Variants in ABLIM2 observed in about 807,000 individuals in gnomAD.
ABLIM2 encodes actin-binding LIM protein 2.
Under a neutral mutation model 97.7 loss-of-function variants are expected in ABLIM2, and 53 were observed. That is an observed-to-expected ratio of 0.54 (90% CI 0.44 to 0.68). The LOEUF (loss-of-function observed/expected upper bound fraction) is 0.68, where lower values mean the gene tolerates loss of function less well. Ranked by LOEUF, ABLIM2 falls within the 30% of genes least tolerant of loss-of-function variation. The pLI is 0.00. For missense variants in ABLIM2, 835 were observed against 867.2 expected, an observed-to-expected ratio of 0.96 and a Z score of 0.47; for synonymous variants, 361 against 345.8, an observed-to-expected ratio of 1.04 and a Z score of -0.49.
intron 12 of ABLIM2, among the ~76,000 whole-genome samples, chr4:8,025,148 G>A (rs546495420): frequency 6.6e-6 from 1 of 152,252 alleles, no homozygotes; most frequent in Non-Finnish European, 1.5e-5. Flanking sequence ...GGCTGGTCTC[G>A]AACTCCTGAC....
chr4:8,001,726 C>T lies in ABLIM2; in HGVS notation c.1618+6333G>A, dbSNP rs1757319694. On this transcript the variant is annotated intron_variant, in intron 16 of 20. Transcript: ENST00000447017. This position sits in a 1 kb window ranked among gnomAD's most constrained non-coding sequence, Gnocchi z 4.2. ...GGATGCCAAGGTGGCCACGCCTGAG[C>T]CCCCAGCTCTCCCTGGGCTGTCCCT... Among the ~76,000 whole-genome samples the T allele has an allele frequency of 6.6e-6, 1 of 152,138 alleles. No individual in the cohort carries two copies. The highest frequency in any genetic ancestry group is 1.5e-5 in the Non-Finnish European group (1 of 68,010).
In ABLIM2 at chr4:7,967,140, G is replaced by A. The variant is rs762145425; in HGVS notation, c.1825-37C>T. 3.8e-6 allele frequency: 6 copies of A among 1,562,332 alleles called. No individual in the cohort carries two copies. The Admixed American group carries it at 1.0e-4, about 26-fold the overall frequency. ...AAGGCAAAACAGAAGGGACCAGTTA[G>A]CCACGCAGCAAGGGACACCATTGGG... is the stretch of plus-strand genomic sequence containing the variant. On this transcript the variant is annotated intron_variant, in intron 20 of 20. Coordinates refer to ENST00000447017, the MANE Select transcript of ABLIM2 (RefSeq NM_001130083.2).
chr4:8,158,188 G>A (rs539303114), intron 1 of ABLIM2, among the ~76,000 whole-genome samples: 37 of 152,358 alleles, frequency 2.4e-4, no homozygotes, highest in African/African-American at 8.7e-4. Context: ...CTGCTGCGGA[G>A]AGTCCTGGGC....
intron 1 of ABLIM2, among the ~76,000 whole-genome samples, chr4:8,154,100 C>T (rs551161841): frequency 0.017 from 2,549 of 148,932 alleles, 70 homozygotes; most frequent in African/African-American, 0.06. Flanking sequence ...GTAGCTGGGT[C>T]TACAGGCACC....
At chr4:8,105,261 T>A (rs1353753622) in intron 2 of ABLIM2, among the ~76,000 whole-genome samples, 1 of 149,982 alleles carries the variant, frequency 6.7e-6, no homozygotes, top group Non-Finnish European at 1.5e-5. Context: ...AATCCTTCCC[T>A]GTGGGCATCC....
In ABLIM2 at chr4:8,060,958, A is replaced by C; in HGVS notation, c.763+9T>G. 2 of 1,571,790 alleles carry C rather than the reference A, an allele frequency of 1.3e-6. No homozygotes were observed. Among genetic ancestry groups the C allele is most frequent in the Non-Finnish European group, 1.7e-6 (2 of 1,157,578 alleles). On this transcript the variant is annotated intron_variant, in intron 7 of 20. Coordinates refer to ENST00000447017, the MANE Select transcript of ABLIM2 (RefSeq NM_001130083.2). ...TCTAGGGGACCAAACAACACATTTT[A>C]ATTTGTACCTTGAAGATACATCTCT...
At chr4:8,101,528 C>A (rs116371724) in intron 2 of ABLIM2, among the ~76,000 whole-genome samples, 4 of 152,196 alleles carry the variant, frequency 2.6e-5, no homozygotes, top group Non-Finnish European at 4.4e-5. Flanking sequence ...CTAGAACAGG[C>A]GGCTATTTAT....
intron 8 of ABLIM2, among the ~76,000 whole-genome samples, chr4:8,047,387 CTTT>C (rs147141946): frequency 1.3e-5 from 2 of 148,722 alleles, no homozygotes; most frequent in African/African-American, 2.5e-5. Flanking sequence ...TCCTCCTCCT[CTTT>C]CTCCTCCTCC....
intron 1 of ABLIM2, among the ~76,000 whole-genome samples, chr4:8,109,760 A>G (rs1361130787): frequency 6.6e-6 from 1 of 152,068 alleles, no homozygotes. Flanking sequence ...GGGAAAGGAG[A>G]TGAATGGCAT....
At chr4:8,030,722 C>T (rs558640587) in intron 10 of ABLIM2, among the ~76,000 whole-genome samples, 7 of 152,354 alleles carry the variant, frequency 4.6e-5, no homozygotes, top group East Asian at 3.9e-4. Flanking sequence ...CTCTCTACCC[C>T]GGGCGTCCTC....
At position 7,999,115 on chromosome 4, in the gene ABLIM2, G is replaced by C. The variant is rs1755383398; in HGVS notation, c.1619-6188C>G. Reference sequence around the variant, plus strand: ...AGTTTTGTTCTTGTTCCCCGGGCTGGAGTACAATGGCGTGATCTTGGCTCA... The same window carrying C: ...AGTTTTGTTCTTGTTCCCCGGGCTGCAGTACAATGGCGTGATCTTGGCTCA... On this transcript the variant is annotated intron_variant, in intron 16 of 20. Coordinates refer to ENST00000447017, the MANE Select transcript of ABLIM2 (RefSeq NM_001130083.2). This position sits in a 1 kb window ranked among gnomAD's most constrained non-coding sequence, Gnocchi z 4.4. Among the ~76,000 whole-genome samples, 1 of 152,090 alleles carries C rather than the reference G, an allele frequency of 6.6e-6. No homozygotes were observed. Among genetic ancestry groups the C allele is most frequent in the Non-Finnish European group, 1.5e-5 (1 of 68,016 alleles).
Position 8,029,704 on chromosome 4 carries a change from C to T in ABLIM2, c.1120G>A (p.Gly374Arg), listed in dbSNP as rs771348588. 3.9e-5 allele frequency: 61 copies of T among 1,551,482 alleles called. 1 individual carries two copies. Among genetic ancestry groups the T allele is most frequent in the Non-Finnish European group, 5.1e-5 (59 of 1,147,530 alleles). The part of the protein sequence containing the change: ...SPSSTGSVSL[G>R]RYTPTSRSPQ... ...GACCGTGAGGTCGGAGTGTAGCGCCCGAGGCTAACCGACCCAGTGGAGCTT... is the reference window on the plus strand; with the variant it reads ...GACCGTGAGGTCGGAGTGTAGCGCCTGAGGCTAACCGACCCAGTGGAGCTT... Residue 374 changes from glycine to arginine, a missense_variant, in exon 11 of 21, where the codon GGG (glycine) becomes AGG (arginine). By Grantham distance (125) the Gly-to-Arg change is moderately radical. Coordinates refer to ENST00000447017, the MANE Select transcript of ABLIM2 (RefSeq NM_001130083.2).
chr4:8,049,563 G>T (rs1794699633), intron 8 of ABLIM2, among the ~76,000 whole-genome samples: 2 of 152,124 alleles, frequency 1.3e-5, no homozygotes, highest in Non-Finnish European at 2.9e-5. Context: ...AAGCTCACCA[G>T]CATTTAACAT....
intron 16 of ABLIM2, chr4:8,007,836 G>T (rs757902740): frequency 1.5e-6 from 2 of 1,342,180 alleles, no homozygotes; most frequent in South Asian, 2.1e-5. Context: ...ACATGCAGGC[G>T]TGGCCCTCGT....
intron 1 of ABLIM2, 38 bp downstream of exon 1, chr4:8,158,642 C>A: frequency 4.0e-6 from 6 of 1,504,940 alleles, no homozygotes; most frequent in Non-Finnish European, 4.4e-6. Flanking sequence ...CGCGAGCCAG[C>A]GCGGGGACCC....
At chr4:8,055,757 CAT>C (rs1491241095) in intron 7 of ABLIM2, among the ~76,000 whole-genome samples, 15 of 152,158 alleles carry the variant, frequency 9.9e-5, no homozygotes, top group East Asian at 5.8e-4. Flanking sequence ...GATTGGACTA[CAT>C]GTGTGTGTGA....
chr4:8,059,906 CAA>C (rs201148410), intron 7 of ABLIM2, among the ~76,000 whole-genome samples: 144 of 124,074 alleles, frequency 1.2e-3, no homozygotes, highest in South Asian at 2.4e-3. Flanking sequence ...GACTCTGTTT[CAA>C]AAAAAAAAAA....
chr4:8,008,326 A>G, intron 15 of ABLIM2, 126 bp from the exon 16 acceptor site: 3 of 871,274 alleles, frequency 3.4e-6, no homozygotes, highest in Non-Finnish European at 3.5e-6. Flanking sequence ...GAGAAAACTC[A>G]ATATGTGAGA....
rs1578148614 is a variant in ABLIM2, at chr4:7,993,840, C to G, written c.1619-913G>C. 4 of 459,230 alleles carry G rather than the reference C, an allele frequency of 8.7e-6. No individual in the cohort carries two copies. In the Admixed American group the frequency reaches 9.3e-5, roughly 11 times the overall value. 28.4% of individuals were successfully genotyped at this position (459,230 alleles called of 1,614,324 possible). A position where few individuals can be genotyped will look rare whatever the true frequency, so the allele number is the denominator to read the frequency against. ...CGCTGGGGCTGTCAGGAGGGGGCAG[C>G]CTTTCCCAGCCCCCACCGAGCTCCC... On this transcript the variant is annotated intron_variant, in intron 16 of 20. Transcript: ENST00000447017.
Sources: gnomAD v4.1 joint callset for allele counts (sites outside exome capture counted in the v4.1 genomes callset) on GRCh38, gnomAD v4.1.1 for gene constraint, Gnocchi (gnomAD v3.1) non-coding constraint, MANE v1.5 for transcripts, NCBI Gene and HGNC (gene_info 2026-07-23, HGNC 2026-07-21) for gene names.